Variants in ARHGEF3 observed in about 807,000 individuals in gnomAD.
ARHGEF3 encodes 59.8 kDA protein.
In ARHGEF3, 28 loss-of-function variants were observed where a neutral mutation model predicts 63.2. The observed-to-expected ratio is 0.44, with a 90% CI of 0.33 to 0.61. ARHGEF3 has a LOEUF of 0.61. ARHGEF3 is among the 20% of genes least tolerant of loss of function. The pLI, the probability that ARHGEF3 is intolerant of heterozygous loss-of-function variation, is 0.03. For missense variants in ARHGEF3, 533 were observed against 659.3 expected (o/e 0.81, Z 2.10); for synonymous variants, 266 against 254.2 (o/e 1.05, Z -0.44).
At chr3:56,848,811 G>A (rs1313498230) in intron 4 of ARHGEF3, among the ~76,000 whole-genome samples, 1 of 152,144 alleles carries the variant, frequency 6.6e-6, no homozygotes, top group Non-Finnish European at 1.5e-5. Context: ...GGGATTACAG[G>A]TGCCCACCAC....
chr3:56,860,154 A>G (rs2040024434), intron 4 of ARHGEF3, among the ~76,000 whole-genome samples: 1 of 152,178 alleles, frequency 6.6e-6, no homozygotes, highest in Admixed American at 6.5e-5. Context: ...AATTTATTAA[A>G]TAACTTCTTT....
At chr3:56,992,024 C>CTCTGTG (rs1239113895) in intron 2 of ARHGEF3, among the ~76,000 whole-genome samples, 2,725 of 131,620 alleles carry the variant, frequency 0.021, 76 homozygotes, top group African/African-American at 0.024. Flanking sequence ...CCTCCTCTCT[C>CTCTGTG]TGTGTGTGTG....
chr3:56,821,033 C>T (rs1207172968), intron 4 of ARHGEF3, among the ~76,000 whole-genome samples: 1 of 151,606 alleles, frequency 6.6e-6, no homozygotes, highest in Non-Finnish European at 1.5e-5. Flanking sequence ...TTAGTAGGTG[C>T]ATGCCTGTAA....
At chr3:57,064,736 T>C (rs185172735) in intron 1 of ARHGEF3, among the ~76,000 whole-genome samples, 7 of 152,200 alleles carry the variant, frequency 4.6e-5, no homozygotes, top group Admixed American at 3.9e-4. Flanking sequence ...TCTAGAACAG[T>C]CAAATTCAGA....
chr3:56,949,528 C>T (rs201626527), intron 3 of ARHGEF3, among the ~76,000 whole-genome samples: 17,325 of 151,650 alleles, frequency 0.11, 1,218 homozygotes, highest in East Asian at 0.25. Context: ...CTCCCATTCA[C>T]AATTGCTTCA....
chr3:56,984,030 C>T (rs374975892), intron 2 of ARHGEF3, among the ~76,000 whole-genome samples: 5 of 151,944 alleles, frequency 3.3e-5, no homozygotes, highest in African/African-American at 1.2e-4. Flanking sequence ...TAGAAGGACC[C>T]CACAGTCCTG....
At chr3:57,073,008 T>A in intron 1 of ARHGEF3, among the ~76,000 whole-genome samples, 1 of 152,162 alleles carries the variant, frequency 6.6e-6, no homozygotes, top group East Asian at 1.9e-4. Flanking sequence ...GTCATGCCAG[T>A]GCACTCCAGC....
chr3:56,889,390 G>A (rs1046685036), intron 3 of ARHGEF3, among the ~76,000 whole-genome samples: 1 of 152,142 alleles, frequency 6.6e-6, no homozygotes, highest in Non-Finnish European at 1.5e-5. Context: ...CTCCTTTGAG[G>A]TTTTGAGAAA....
At chr3:56,747,064 C>CACAG (rs1205303687) in intron 6 of ARHGEF3, among the ~76,000 whole-genome samples, 4 of 148,276 alleles carry the variant, frequency 2.7e-5, no homozygotes, top group Middle Eastern at 3.5e-3. Context: ...CACACACACA[C>CACAG]AGAGAGAGAG....
At chr3:56,894,888 G>A (rs771800879) in intron 3 of ARHGEF3, among the ~76,000 whole-genome samples, 56 of 152,296 alleles carry the variant, frequency 3.7e-4, no homozygotes, top group Non-Finnish European at 6.0e-4. Flanking sequence ...CAGGATAAAA[G>A]TGATTGGGAT....
At chr3:56,881,806 G>T (rs1165975783) in intron 4 of ARHGEF3, among the ~76,000 whole-genome samples, 3 of 152,220 alleles carry the variant, frequency 2.0e-5, no homozygotes, top group African/African-American at 4.8e-5. Flanking sequence ...GGTAAGGAAA[G>T]GTGTCACACA....
chr3:56,814,665 CT>C (rs57448848), intron 4 of ARHGEF3, among the ~76,000 whole-genome samples: 5 of 150,796 alleles, frequency 3.3e-5, no homozygotes, highest in African/African-American at 7.3e-5. Context: ...ATCCTTCTCC[CT>C]TTTTTTTTAA....
At chr3:57,077,747 C>G (rs1706283037) in intron 1 of ARHGEF3, among the ~76,000 whole-genome samples, 1 of 151,996 alleles carries the variant, frequency 6.6e-6, no homozygotes, top group Admixed American at 6.6e-5. Context: ...AAGAGGCAAA[C>G]ATTCAATCAC....
intron 4 of ARHGEF3, among the ~76,000 whole-genome samples, chr3:56,874,720 C>T (rs1433803516): frequency 6.6e-6 from 1 of 152,170 alleles, no homozygotes; most frequent in African/African-American, 2.4e-5. Context: ...AAGCACTAAA[C>T]ATCATTCAGC....
intron 1 of ARHGEF3, chr3:56,775,094 T>C (rs1198708992): frequency 1.9e-6 from 3 of 1,551,262 alleles, no homozygotes; most frequent in African/African-American, 1.4e-5. Flanking sequence ...TAGCCAATTG[T>C]GGTGGCAAAC....
chr3:56,948,093 A>G (rs557649134), intron 3 of ARHGEF3, among the ~76,000 whole-genome samples: 1 of 152,324 alleles, frequency 6.6e-6, no homozygotes, highest in East Asian at 1.9e-4. Flanking sequence ...GAACAAAGAC[A>G]CAACATACCA....
At chr3:56,933,571 C>T (rs1188309934) in intron 3 of ARHGEF3, among the ~76,000 whole-genome samples, 1 of 152,042 alleles carries the variant, frequency 6.6e-6, no homozygotes, top group Non-Finnish European at 1.5e-5. Flanking sequence ...AGGCGCGTGC[C>T]ATCACACCTG....
intron 2 of ARHGEF3, among the ~76,000 whole-genome samples, chr3:57,002,279 A>G (rs1702227661): frequency 6.6e-6 from 1 of 150,806 alleles, no homozygotes; most frequent in South Asian, 2.1e-4. Context: ...ATCAGTTCTT[A>G]AGTATCAGCA....
intron 3 of ARHGEF3, among the ~76,000 whole-genome samples, chr3:56,952,759 CAA>C (rs1363800173): frequency 6.6e-6 from 1 of 151,666 alleles, no homozygotes; most frequent in Non-Finnish European, 1.5e-5. Context: ...GTTGGGGTAA[CAA>C]ATCATTTTTT....
Sources: gnomAD v4.1 joint callset for allele counts (sites outside exome capture counted in the v4.1 genomes callset) on GRCh38, gnomAD v4.1.1 for gene constraint, MANE v1.5 for transcripts, NCBI Gene and HGNC (gene_info 2026-07-23, HGNC 2026-07-21) for gene names.